The following DDX10 variants were observed in gnomAD, a reference collection of about 807,000 sequenced individuals.
DDX10 encodes probable ATP-dependent RNA helicase DDX10.
In DDX10, 74 loss-of-function variants were observed where a neutral mutation model predicts 104.3. That is an observed-to-expected ratio of 0.71 (90% CI 0.59 to 0.86). DDX10 has a LOEUF of 0.86. Among genes scored for constraint, DDX10 ranks in the 40% least tolerant of loss-of-function variants. The pLI, the probability that DDX10 is intolerant of heterozygous loss-of-function variation, is 0.00. For synonymous variants in DDX10, 351 were observed against 353.4 expected (o/e 0.99, Z 0.08); for missense variants, 952 against 1,040.0 (o/e 0.92, Z 1.16).
At chr11:108,706,174 G>A (rs936265966) in intron 9 of DDX10, among the ~76,000 whole-genome samples, 5 of 151,968 alleles carry the variant, frequency 3.3e-5, no homozygotes, top group South Asian at 4.2e-4. Context: ...GTTTCACCAC[G>A]TTGGCCACAC....
intron 3 of DDX10, among the ~76,000 whole-genome samples, chr11:108,676,528 C>T (rs1263755674): frequency 6.6e-6 from 1 of 152,174 alleles, no homozygotes; most frequent in Non-Finnish European, 1.5e-5. Flanking sequence ...TCACTGCAAC[C>T]TCTGCCTCCC....
At chr11:108,819,185 A>G (rs542613370) in intron 13 of DDX10, among the ~76,000 whole-genome samples, 2 of 152,122 alleles carry the variant, frequency 1.3e-5, no homozygotes, top group South Asian at 4.2e-4. Flanking sequence ...GTTTTGTTAT[A>G]TACATGCTAT....
At chr11:108,673,335 G>A (rs1404546696) in intron 1 of DDX10, 132 bp from the exon 2 acceptor site, 13 of 649,254 alleles carry the variant, frequency 2.0e-5, no homozygotes, top group Non-Finnish European at 3.0e-5. Context: ...AGGAATGATG[G>A]CTTTTAATTA....
At chr11:108,770,818 G>A (rs1308732339) in intron 13 of DDX10, among the ~76,000 whole-genome samples, 1 of 151,920 alleles carries the variant, frequency 6.6e-6, no homozygotes, top group Admixed American at 6.6e-5. Flanking sequence ...AACATTGGGA[G>A]TGCAGATGTC....
intron 13 of DDX10, among the ~76,000 whole-genome samples, chr11:108,792,862 A>G (rs755889199): frequency 1.5e-4 from 23 of 152,028 alleles, no homozygotes; most frequent in Non-Finnish European, 2.9e-4. Flanking sequence ...CTGATCCTAT[A>G]TTTCCATTCA....
chr11:108,667,194 T>G (rs1251753473), intron 1 of DDX10, among the ~76,000 whole-genome samples: 1 of 152,196 alleles, frequency 6.6e-6, no homozygotes, highest in African/African-American at 2.4e-5. Flanking sequence ...ACTCAATTGT[T>G]CCCTTGTAAT....
At chr11:108,705,133 G>C (rs2094274047) in intron 9 of DDX10, among the ~76,000 whole-genome samples, 1 of 152,190 alleles carries the variant, frequency 6.6e-6, no homozygotes, top group Non-Finnish European at 1.5e-5. Flanking sequence ...TACCTTTCTA[G>C]CAATCTTTCC....
chr11:108,826,288 C>T (rs1460208769), intron 13 of DDX10, among the ~76,000 whole-genome samples: 1 of 152,108 alleles, frequency 6.6e-6, no homozygotes, highest in African/African-American at 2.4e-5. Flanking sequence ...CAAATACACT[C>T]TGGATAGAAG....
At chr11:108,731,516 CTTT>C (rs34825787) in intron 13 of DDX10, among the ~76,000 whole-genome samples, 2 of 142,814 alleles carry the variant, frequency 1.4e-5, no homozygotes, top group Non-Finnish European at 1.5e-5. Context: ...AATTGGGTTT[CTTT>C]TTTTTTTTTT....
intron 13 of DDX10, among the ~76,000 whole-genome samples, chr11:108,832,406 T>G (rs1862485344): frequency 1.3e-5 from 2 of 152,204 alleles, no homozygotes; most frequent in South Asian, 4.2e-4. Context: ...ATGGCAAAAG[T>G]CTAAATATAA....
At chr11:108,783,009 A>G (rs1180347480) in intron 13 of DDX10, among the ~76,000 whole-genome samples, 3 of 152,146 alleles carry the variant, frequency 2.0e-5, no homozygotes, top group Admixed American at 2.0e-4. Context: ...TTTGCTTACA[A>G]TGTTATGCCT....
chr11:108,871,392 A>G (rs2134623471), intron 16 of DDX10, among the ~76,000 whole-genome samples: 1 of 152,322 alleles, frequency 6.6e-6, no homozygotes, highest in South Asian at 2.1e-4. Flanking sequence ...GAACTCTGGA[A>G]CACATAAGCT....
At chr11:108,827,664 C>T (rs554641248) in intron 13 of DDX10, among the ~76,000 whole-genome samples, 56 of 152,188 alleles carry the variant, frequency 3.7e-4, no homozygotes, top group Admixed American at 1.4e-3. Context: ...CTATTGTGGG[C>T]CTTTAATCCT....
chr11:108,837,838 G>C (rs1018118459), intron 13 of DDX10, among the ~76,000 whole-genome samples: 1 of 151,854 alleles, frequency 6.6e-6, no homozygotes, highest in African/African-American at 2.4e-5. Context: ...GGCCAGGCTG[G>C]TCTCGAACTC....
At chr11:108,930,953 A>G (rs942206578) in intron 17 of DDX10, among the ~76,000 whole-genome samples, 1 of 152,188 alleles carries the variant, frequency 6.6e-6, no homozygotes, top group Non-Finnish European at 1.5e-5. Context: ...TAAAAACGTC[A>G]AAGACTATTG....
intron 16 of DDX10, among the ~76,000 whole-genome samples, chr11:108,893,938 C>T (rs1422182517): frequency 1.3e-5 from 2 of 152,014 alleles, no homozygotes; most frequent in South Asian, 4.1e-4. Context: ...CCTGTGCAAA[C>T]AAAATATTTT....
intron 15 of DDX10, among the ~76,000 whole-genome samples, chr11:108,850,975 G>T (rs1862783524): frequency 6.6e-6 from 1 of 152,184 alleles, no homozygotes; most frequent in Admixed American, 6.5e-5. Flanking sequence ...TATATGAAAT[G>T]CATAGCACAT....
chr11:108,851,017 G>A (rs570190698), intron 15 of DDX10, among the ~76,000 whole-genome samples: 1 of 152,252 alleles, frequency 6.6e-6, no homozygotes, highest in South Asian at 2.1e-4. Context: ...AACTACTTCT[G>A]TTGGTAAGAA....
At chr11:108,799,202 A>C (rs973039165) in intron 13 of DDX10, among the ~76,000 whole-genome samples, 15 of 152,174 alleles carry the variant, frequency 9.9e-5, no homozygotes, top group African/African-American at 3.6e-4. Flanking sequence ...CCTTTTTCCT[A>C]AATGTGAATT....
Sources: allele counts gnomAD v4.1 joint callset (sites outside exome capture counted in the v4.1 genomes callset), GRCh38; gene constraint gnomAD v4.1.1; transcripts MANE v1.5; gene names NCBI Gene and HGNC (gene_info 2026-07-23, HGNC 2026-07-21).